The following MOCOS variants were observed in gnomAD, a reference collection of about 807,000 sequenced individuals.
The protein encoded by MOCOS is human molybdenum cofactor sulfurase.
Under a neutral mutation model 83.6 loss-of-function variants are expected in MOCOS, and 86 were observed. That is an observed-to-expected ratio of 1.03 (90% CI 0.86 to 1.23). The LOEUF (loss-of-function observed/expected upper bound fraction) is 1.23. MOCOS is among the 50% of genes most tolerant of loss of function. The probability of loss-of-function intolerance (pLI) is 0.00; values close to 1 mark genes in which losing one functional copy is unlikely to be tolerated. For synonymous variants in MOCOS, 445 were observed against 434.7 expected (o/e 1.02, Z -0.29); for missense variants, 1,120 against 1,126.9 (o/e 0.99, Z 0.09).
chr18:36,240,488 C>T (rs1043129554), intron 9 of MOCOS, among the ~76,000 whole-genome samples: 3 of 150,380 alleles, frequency 2.0e-5, no homozygotes, highest in Non-Finnish European at 4.4e-5. Context: ...GGCAGTCTGC[C>T]CGTTCTCAGA....
At position 36,213,441 on chromosome 18, in the gene MOCOS, C is replaced by T. The variant is rs773154967; in HGVS notation, c.1294C>T (p.His432Tyr). 1 of 1,614,036 alleles carries T rather than the reference C, an allele frequency of 6.2e-7. No individual in the cohort carries two copies. The highest frequency in any genetic ancestry group is 1.1e-5 in the South Asian group (1 of 91,074). ...CFCNTGACQRHLGISNEMVRK... is the reference protein window; with the variant it reads ...CFCNTGACQRYLGISNEMVRK... ...CTGTAACACTGGGGCCTGCCAGAGG[C>T]ACCTGGGCATAAGCAACGAGATGGT... Residue 432 changes from histidine to tyrosine, a missense_variant, in exon 7 of 15, where the codon CAC (histidine) becomes TAC (tyrosine). Physicochemically the swap from His to Tyr is moderately conservative, Grantham distance 83. Coordinates refer to ENST00000261326, the MANE Select transcript of MOCOS (RefSeq NM_017947.4).
chr18:36,198,790 A>G (rs1378795512), intron 3 of MOCOS, 34 bp downstream of exon 3: 1 of 1,604,528 alleles, frequency 6.2e-7, no homozygotes, highest in Non-Finnish European at 8.5e-7. Flanking sequence ...GACTGGGCAT[A>G]CCTAGGCAGA....
At chr18:36,237,763 G>T (rs2144939507) in intron 9 of MOCOS, among the ~76,000 whole-genome samples, 1 of 151,448 alleles carries the variant, frequency 6.6e-6, no homozygotes, top group South Asian at 2.1e-4. Flanking sequence ...ATCTGGTCCT[G>T]GACTCTTTTT....
At chr18:36,230,146 G>T (rs1303879753) in intron 9 of MOCOS, among the ~76,000 whole-genome samples, 2 of 152,060 alleles carry the variant, frequency 1.3e-5, no homozygotes, top group African/African-American at 4.8e-5. Flanking sequence ...ACAGTGGCAC[G>T]ATCTCGGCTT....
intron 4 of MOCOS, among the ~76,000 whole-genome samples, 164 bp from the exon 5 acceptor site, chr18:36,202,949 C>A (rs375805843): frequency 1.7e-4 from 26 of 152,194 alleles, no homozygotes; most frequent in African/African-American, 6.0e-4. Flanking sequence ...AGGTCCATCC[C>A]TCAACACCTG....
chr18:36,215,860 C>T lies in MOCOS; in HGVS notation c.1680C>T (p.Val560=), dbSNP rs201533018. ...AVPVAPPVCD[V]ARTQPTPSEK... is the part of the protein sequence containing the mutation. ...CTGTGGCCCCACCTGTGTGTGATGT[C>T]GCCAGAACCCAGCCGACTCCTTCAG... Residue 560 remains valine, a synonymous_variant, in exon 8 of 15, where the codon GTC becomes GTT. Transcript: ENST00000261326. 7.2e-5 allele frequency: 117 copies of T among 1,614,176 alleles called. No homozygotes were observed. The highest frequency in any genetic ancestry group is 8.9e-5 in the Non-Finnish European group (105 of 1,180,042).
At position 36,215,907 on chromosome 18, in the gene MOCOS, A is replaced by AG. The variant is rs754291344; in HGVS notation, c.1732dup (p.Ala578GlyfsTer9). ...TCAGAGAAAGCTGCAGGAGTCCTGG[A>AG]GGGGGCCCTTGGGCCACATGTTGTC... On this transcript the variant is annotated frameshift_variant, in exon 8 of 15. Coordinates refer to ENST00000261326, the MANE Select transcript of MOCOS (RefSeq NM_017947.4). LOFTEE classifies it high-confidence loss of function. 6.2e-7 allele frequency: 1 copy of AG among 1,613,794 alleles called. No individual in the cohort carries two copies. Among genetic ancestry groups the AG allele is most frequent in the African/African-American group, 1.3e-5 (1 of 74,928 alleles).
At chr18:36,264,798 C>G (rs1382372453) in intron 13 of MOCOS, among the ~76,000 whole-genome samples, 1 of 151,986 alleles carries the variant, frequency 6.6e-6, no homozygotes, top group Admixed American at 6.6e-5. Flanking sequence ...GAGCTTTGTA[C>G]AGTGCCAGTA....
intron 11 of MOCOS, among the ~76,000 whole-genome samples, chr18:36,254,458 CTGTGTGTGTGTGTGTGTGTG>C (rs60813321): frequency 2.9e-5 from 4 of 138,866 alleles, no homozygotes; most frequent in East Asian, 4.2e-4. Context: ...TACATTATCT[CTGTGTGTGTGTGTGTGTGTG>C]TGTGTGTGTG....
intron 8 of MOCOS, among the ~76,000 whole-genome samples, chr18:36,217,920 A>G (rs889200339): frequency 6.6e-6 from 1 of 152,138 alleles, no homozygotes; most frequent in African/African-American, 2.4e-5. Flanking sequence ...CTGTTTCTGA[A>G]CTTGGGCCCT....
intron 8 of MOCOS, 61 bp downstream of exon 8, chr18:36,216,038 T>G (rs925312850): frequency 6.0e-6 from 9 of 1,489,096 alleles, no homozygotes; most frequent in Non-Finnish European, 8.2e-6. Flanking sequence ...TATTTTTTGA[T>G]AAAGTGAAGA....
chr18:36,210,957 G>A (rs1265005613), intron 6 of MOCOS, among the ~76,000 whole-genome samples: 1 of 151,336 alleles, frequency 6.6e-6, no homozygotes, highest in Non-Finnish European at 1.5e-5. Flanking sequence ...TCACCAGGGT[G>A]TGAGGCTGCC....
chr18:36,236,612 C>T (rs1440880794), intron 9 of MOCOS, among the ~76,000 whole-genome samples: 5 of 126,960 alleles, frequency 3.9e-5, no homozygotes, highest in South Asian at 2.5e-4. Flanking sequence ...CTTGGCAATG[C>T]GGGCTCTTTT....
intron 13 of MOCOS, among the ~76,000 whole-genome samples, chr18:36,262,965 T>C (rs1284759642): frequency 6.6e-6 from 1 of 152,086 alleles, no homozygotes; most frequent in Non-Finnish European, 1.5e-5. Context: ...AAAAATTAGC[T>C]GGGCATGGTG....
chr18:36,222,768 A>AT (rs1461246748), intron 9 of MOCOS, among the ~76,000 whole-genome samples: 1 of 151,856 alleles, frequency 6.6e-6, no homozygotes, highest in African/African-American at 2.4e-5. Flanking sequence ...CGCCTGGCTA[A>AT]TTTTTGTATT....
At chr18:36,209,501 C>T (rs776706647) in intron 6 of MOCOS, among the ~76,000 whole-genome samples, 2 of 152,024 alleles carry the variant, frequency 1.3e-5, no homozygotes, top group Non-Finnish European at 2.9e-5. Flanking sequence ...CCCACCCTTC[C>T]CCCCTGAGTC....
rs769814585 is a variant in MOCOS, at chr18:36,198,857, G to A, written c.299+101G>A. 430 of 1,274,808 alleles carry A rather than the reference G, an allele frequency of 3.4e-4. 1 individual carries two copies. The highest frequency in any genetic ancestry group is 9.8e-4 in the Admixed American group (55 of 56,386). 79.0% of individuals were successfully genotyped at this position (1,274,808 alleles called of 1,614,324 possible). On this transcript the variant is annotated intron_variant, in intron 3 of 14. Coordinates refer to ENST00000261326, the MANE Select transcript of MOCOS (RefSeq NM_017947.4). The stretch of plus-strand genomic sequence containing the variant: ...CACAAAAGTTCTGAGTTGGTTTCAG[G>A]AGGATCACAGTTGGCTAAAAGGCAA...
intron 10 of MOCOS, among the ~76,000 whole-genome samples, 160 bp downstream of exon 10, chr18:36,249,160 T>A (rs1335967504): frequency 6.6e-6 from 1 of 152,180 alleles, no homozygotes; most frequent in East Asian, 1.9e-4. Context: ...TCTTGGCTCT[T>A]TGGTCTTCAA....
At chr18:36,239,012 T>G (rs902255320) in intron 9 of MOCOS, among the ~76,000 whole-genome samples, 2 of 151,930 alleles carry the variant, frequency 1.3e-5, no homozygotes, top group African/African-American at 4.8e-5. Flanking sequence ...TCCTTTTATT[T>G]TGAGCCTATG....
Sources: allele counts gnomAD v4.1 joint callset (sites outside exome capture counted in the v4.1 genomes callset), GRCh38; gene constraint gnomAD v4.1.1; transcripts MANE v1.5; gene names NCBI Gene and HGNC (gene_info 2026-07-23, HGNC 2026-07-21).